PDE10A: variants seen among roughly 807,000 people sequenced by gnomAD.
The protein encoded by PDE10A is cAMP and cAMP-inhibited cGMP 3',5'-cyclic phosphodiesterase 10A.
A neutral mutation model predicts 97.7 loss-of-function variants in PDE10A; 39 were observed. That is an observed-to-expected ratio of 0.40 (90% CI 0.31 to 0.52). The LOEUF (loss-of-function observed/expected upper bound fraction) is 0.52. Ranked by LOEUF, PDE10A falls within the 20% of genes least tolerant of loss-of-function variation. The pLI, the probability that PDE10A is intolerant of heterozygous loss-of-function variation, is 0.56. For synonymous variants in PDE10A, 371 were observed against 376.8 expected (o/e 0.98, Z 0.18); for missense variants, 731 against 1,047.8 (o/e 0.70, Z 4.17).
intron 1 of PDE10A, among the ~76,000 whole-genome samples, chr6:165,858,381 C>A (rs1780808890): frequency 6.6e-6 from 1 of 152,226 alleles, no homozygotes; most frequent in Non-Finnish European, 1.5e-5. Context: ...ACCTTCTGCT[C>A]TGCAGTAACC....
chr6:165,540,810 A>G (rs1474931885), intron 2 of PDE10A, among the ~76,000 whole-genome samples: 1 of 152,034 alleles, frequency 6.6e-6, no homozygotes, highest in African/African-American at 2.4e-5. Flanking sequence ...TTGTATTTTT[A>G]GTAGAGTCAG....
At chr6:165,869,310 G>A (rs1781136860) in intron 1 of PDE10A, among the ~76,000 whole-genome samples, 1 of 149,312 alleles carries the variant, frequency 6.7e-6, no homozygotes. Flanking sequence ...CAACCTAGCT[G>A]AAAAAAAATC....
rs1790279187 is a variant in PDE10A at position 165,661,801 on chromosome 6, T to A, written c.865+146A>T. 1 of 494,432 alleles carries A rather than the reference T, an allele frequency of 2.0e-6. No homozygotes were observed. The highest frequency in any genetic ancestry group is 2.1e-5 in the African/African-American group (1 of 47,856). The allele number at this position is 494,432 out of a possible 1,614,324, so 30.6% of individuals were successfully genotyped here. On this transcript the variant is annotated intron_variant, in intron 1 of 21. Coordinates refer to ENST00000539869, the MANE Select transcript of PDE10A (RefSeq NM_001385079.1). This position sits in a 1 kb window ranked among gnomAD's most constrained non-coding sequence, Gnocchi z 4.8. ...CGCCAGGGGCACCGGCTCCTGCCCCTCCAGAGAAGCCCCCTGGGCGCTCCA... is the reference window on the plus strand; with the variant it reads ...CGCCAGGGGCACCGGCTCCTGCCCCACCAGAGAAGCCCCCTGGGCGCTCCA...
chr6:165,610,177 C>T (rs972923047), intron 1 of PDE10A, among the ~76,000 whole-genome samples: 2 of 152,152 alleles, frequency 1.3e-5, no homozygotes, highest in Non-Finnish European at 2.9e-5. Context: ...ACCAATGGAA[C>T]AGAACAGAGC....
chr6:165,397,480 T>C (rs1372834057), intron 13 of PDE10A, among the ~76,000 whole-genome samples: 1 of 151,934 alleles, frequency 6.6e-6, no homozygotes, highest in African/African-American at 2.4e-5. Context: ...GACACCCAGG[T>C]AGGTGGATCA....
intron 1 of PDE10A, among the ~76,000 whole-genome samples, chr6:165,636,995 G>A (rs183285444): frequency 1.1e-4 from 16 of 152,210 alleles, no homozygotes; most frequent in Admixed American, 1.0e-3. Context: ...AAATCATCAT[G>A]GAAATGAAAG....
chr6:165,600,735 C>G (rs9457107), intron 1 of PDE10A, among the ~76,000 whole-genome samples: 1 of 152,004 alleles, frequency 6.6e-6, no homozygotes, highest in Admixed American at 6.5e-5. Flanking sequence ...TGTTGTATAA[C>G]GGCCTTGAGA....
intron 2 of PDE10A, among the ~76,000 whole-genome samples, chr6:165,517,073 T>C (rs1265422190): frequency 6.6e-6 from 1 of 152,180 alleles, no homozygotes; most frequent in Non-Finnish European, 1.5e-5. Flanking sequence ...TCATTCTATC[T>C]TGATTCATTA....
intron 3 of PDE10A, among the ~76,000 whole-genome samples, chr6:165,459,558 C>T (rs199600681): frequency 0.21 from 19,792 of 93,376 alleles, 1,620 homozygotes; most frequent in African/African-American, 0.28. Flanking sequence ...GACAGACAGA[C>T]AGATAGATAG....
At position 165,591,262 on chromosome 6, in the gene PDE10A, C is replaced by CA. The variant is rs746972589; in HGVS notation, c.866-47695dup. ...ACAAAGGGGGCTTTTTCTTTCACAG[C>CA]AAAAAAAAGTAGCCAAGTGGATTTT... On this transcript the variant is annotated intron_variant, in intron 1 of 21. Coordinates refer to ENST00000539869, the MANE Select transcript of PDE10A (RefSeq NM_001385079.1). Among the ~76,000 whole-genome samples, 49 of 151,348 alleles carry CA rather than the reference C, an allele frequency of 3.2e-4. No individual in the cohort carries two copies. The East Asian group carries it at 7.6e-3, about 23-fold the overall frequency.
chr6:165,691,192 T>A (rs1562687197), intron 1 of PDE10A, among the ~76,000 whole-genome samples: 21 of 48,872 alleles, frequency 4.3e-4, no homozygotes, highest in African/African-American at 1.6e-3. Context: ...TCTCTCCCTC[T>A]CTCTCTCTCC....
intron 1 of PDE10A, among the ~76,000 whole-genome samples, chr6:165,849,402 A>T (rs906287133): frequency 6.6e-6 from 1 of 152,220 alleles, no homozygotes; most frequent in African/African-American, 2.4e-5. Flanking sequence ...ATAGGAGATT[A>T]CAACTGAAAT....
At chr6:165,787,251 A>G (rs1200861515) in intron 1 of PDE10A, among the ~76,000 whole-genome samples, 1 of 152,232 alleles carries the variant, frequency 6.6e-6, no homozygotes, top group African/African-American at 2.4e-5. Context: ...TTCTAGAGAC[A>G]AAAGACCCAC....
intron 1 of PDE10A, among the ~76,000 whole-genome samples, chr6:165,901,761 C>T (rs35239798): frequency 0.018 from 2,747 of 151,982 alleles, 32 homozygotes; most frequent in Non-Finnish European, 0.029. Flanking sequence ...GAGATTGCGC[C>T]GTTGCACTGG....
intron 2 of PDE10A, among the ~76,000 whole-genome samples, chr6:165,485,417 A>T (rs1779848099): frequency 6.7e-6 from 1 of 149,836 alleles, no homozygotes; most frequent in Non-Finnish European, 1.5e-5. Flanking sequence ...GCAGTGAGCC[A>T]AGGTCACATG....
intron 2 of PDE10A, among the ~76,000 whole-genome samples, chr6:165,506,879 T>C (rs1024150550): frequency 2.6e-5 from 4 of 152,182 alleles, no homozygotes; most frequent in Non-Finnish European, 5.9e-5. Flanking sequence ...TTCGCCCTAC[T>C]TTGCATTGCA....
rs566976048 is a variant in PDE10A, at chr6:165,758,426, A to G, written c.-614-214858T>C. ...CAGTGAGCCGAGATTGTGTCACTGC[A>G]CTCCAGCCGGGGTGACAAAGTAAGA... On this transcript the variant is annotated intron_variant, in intron 1 of 19. Coordinates refer to the PDE10A transcript ENST00000366882. 3.3e-5 allele frequency among the ~76,000 whole-genome samples: 5 copies of G among 152,092 alleles called. 1 individual carries two copies. The South Asian group carries it at 1.0e-3, about 32-fold the overall frequency.
At chr6:165,917,053 T>G (rs952173491) in intron 1 of PDE10A, among the ~76,000 whole-genome samples, 1 of 152,136 alleles carries the variant, frequency 6.6e-6, no homozygotes, top group Admixed American at 6.5e-5. Context: ...TCTCAGCAGT[T>G]CAAAAATGTC....
chr6:165,846,162 C>T (rs149304617), intron 1 of PDE10A, among the ~76,000 whole-genome samples: 10 of 152,280 alleles, frequency 6.6e-5, no homozygotes, highest in Admixed American at 4.6e-4. Context: ...GTTAATGCCC[C>T]CATGCAGATC....
Sources: allele counts gnomAD v4.1 joint callset (sites outside exome capture counted in the v4.1 genomes callset), GRCh38; gene constraint gnomAD v4.1.1; non-coding constraint Gnocchi (gnomAD v3.1); transcripts MANE v1.5; gene names NCBI Gene and HGNC (gene_info 2026-07-23, HGNC 2026-07-21).